Variants in SLC41A3 observed in about 807,000 individuals in gnomAD.
SLC41A3 encodes the protein solute carrier family 41 member 3, also known as SLC41A1-like 2.
A neutral mutation model predicts 45.4 loss-of-function variants in SLC41A3; 44 were observed. The observed-to-expected ratio is 0.97, with a 90% CI of 0.76 to 1.25. SLC41A3 has a LOEUF of 1.25. Among genes scored for constraint, SLC41A3 ranks in the 50% most tolerant of loss-of-function variants. The pLI is 0.00. For missense variants in SLC41A3, 550 were observed against 600.6 expected (o/e 0.92, Z 0.88); for synonymous variants, 256 against 252.4 (o/e 1.01, Z -0.13).
intron 2 of SLC41A3, chr3:126,056,386 G>T: frequency 6.2e-7 from 1 of 1,614,106 alleles, no homozygotes; most frequent in Non-Finnish European, 8.5e-7. Context: ...CAGGCCGGCT[G>T]TCATCATGCA....
intron 2 of SLC41A3, among the ~76,000 whole-genome samples, chr3:126,059,601 C>A (rs1943948341): frequency 6.6e-6 from 1 of 152,280 alleles, no homozygotes; most frequent in South Asian, 2.1e-4. Context: ...GATCACACAG[C>A]AAGTTAGTGT....
At chr3:126,078,200 C>G (rs1046494928) in intron 1 of SLC41A3, among the ~76,000 whole-genome samples, 1 of 152,214 alleles carries the variant, frequency 6.6e-6, no homozygotes, top group African/African-American at 2.4e-5. Flanking sequence ...CCCTTAGGTC[C>G]TAACAGCAGA....
At chr3:126,091,698 TGGAAAG>T (rs1945491444) in intron 1 of SLC41A3, among the ~76,000 whole-genome samples, 1 of 152,126 alleles carries the variant, frequency 6.6e-6, no homozygotes, top group South Asian at 2.1e-4. Context: ...GAAAAAGACA[TGGAAAG>T]GGAAGGGGAT....
chr3:126,071,058 A>G (rs1340809021), intron 1 of SLC41A3, among the ~76,000 whole-genome samples: 1 of 152,260 alleles, frequency 6.6e-6, no homozygotes, highest in African/African-American at 2.4e-5. Context: ...AGATCTACTT[A>G]GTACAAAACA....
At chr3:126,098,925 C>CTTTTTTTTTTTTTTTT (rs57262035) in intron 1 of SLC41A3, among the ~76,000 whole-genome samples, 73 of 109,636 alleles carry the variant, frequency 6.7e-4, no homozygotes, top group African/African-American at 1.7e-3. Flanking sequence ...CATGACCTGG[C>CTTTTTTTTTTTTTTTT]TTTTTTTTTT....
intron 6 of SLC41A3, among the ~76,000 whole-genome samples, chr3:126,021,194 T>A (rs1194747250): frequency 1.3e-5 from 2 of 151,982 alleles, no homozygotes; most frequent in Admixed American, 1.3e-4. Flanking sequence ...GCGCCTGGCC[T>A]GTTTAGAGTT....
Position 126,006,458 on chromosome 3 carries a change from G to A in SLC41A3, c.*558C>T. ...AAAAAGGAAAATAAAAAGACAGCAA[G>A]GACACGATTAAATGTTGAGTGCAGA... On this transcript the variant is annotated 3_prime_UTR_variant, in exon 11 of 11. Transcript: ENST00000360370. 1.2e-6 allele frequency: 2 copies of A among 1,613,798 alleles called. No individual in the cohort carries two copies. The highest frequency in any genetic ancestry group is 1.1e-5 in the South Asian group (1 of 90,912).
intron 10 of SLC41A3, 94 bp downstream of exon 10, chr3:126,008,638 C>T: frequency 6.4e-7 from 1 of 1,561,700 alleles, no homozygotes; most frequent in Admixed American, 1.7e-5. Context: ...CAGCCACCCC[C>T]ACCCGCCTCC....
intron 9 of SLC41A3, among the ~76,000 whole-genome samples, chr3:126,010,530 C>T (rs1005520379): frequency 6.6e-6 from 1 of 152,196 alleles, no homozygotes; most frequent in Admixed American, 6.5e-5. Flanking sequence ...AAAGGGGAAG[C>T]CCGGCAAAAC....
intron 2 of SLC41A3, among the ~76,000 whole-genome samples, chr3:126,051,335 G>A (rs1255963719): frequency 6.6e-6 from 1 of 152,218 alleles, no homozygotes; most frequent in Non-Finnish European, 1.5e-5. Context: ...TGCACCATGG[G>A]TTCTCTAGAG....
chr3:126,006,706 C>T lies in SLC41A3; in HGVS notation c.*310G>A. 6.9e-7 allele frequency: 1 copy of T among 1,456,712 alleles called. No individual in the cohort carries two copies. The highest frequency in any genetic ancestry group is 9.0e-7 in the Non-Finnish European group (1 of 1,107,038). The allele number at this position is 1,456,712 out of a possible 1,614,324, so 90.2% of individuals were successfully genotyped here. On this transcript the variant is annotated 3_prime_UTR_variant, in exon 11 of 11. Coordinates refer to ENST00000360370, the MANE Select transcript of SLC41A3 (RefSeq NM_017836.4). Reference sequence around the variant, plus strand: ...ACCCTGCAAAGCATACTGGACATGCCTCTTCTTTACCTTCTCAGGCCAGAA... The same window carrying T: ...ACCCTGCAAAGCATACTGGACATGCTTCTTCTTTACCTTCTCAGGCCAGAA...
At chr3:126,068,362 A>G in intron 1 of SLC41A3, 116 bp from the exon 2 acceptor site, 1 of 931,048 alleles carries the variant, frequency 1.1e-6, no homozygotes, top group Admixed American at 3.2e-5. Flanking sequence ...TCCAACCCAC[A>G]GCCCTTACTC....
intron 2 of SLC41A3, among the ~76,000 whole-genome samples, chr3:126,052,202 C>T (rs1192384115): frequency 6.6e-6 from 1 of 152,186 alleles, no homozygotes; most frequent in Non-Finnish European, 1.5e-5. Flanking sequence ...GCAGGGTGTC[C>T]TCCCACACCT....
chr3:126,054,404 T>C (rs1943529263), intron 2 of SLC41A3, among the ~76,000 whole-genome samples: 1 of 152,106 alleles, frequency 6.6e-6, no homozygotes, highest in Admixed American at 6.5e-5. Flanking sequence ...GTGTCTATGC[T>C]ACCCTTCAAT....
chr3:126,099,298 G>C lies in SLC41A3; in HGVS notation c.-79+2131C>G, dbSNP rs1265580614. On this transcript the variant is annotated intron_variant, in intron 1 of 9. Transcript: ENST00000508835. ...CCCACCATCTACCTGGTGAAGCATGGATTATCTTATTTTAAAATTTCTATT... is the reference window on the plus strand; with the variant it reads ...CCCACCATCTACCTGGTGAAGCATGCATTATCTTATTTTAAAATTTCTATT... Among the ~76,000 whole-genome samples, 3 of 152,214 alleles carry C rather than the reference G, an allele frequency of 2.0e-5. No homozygotes were observed. The East Asian group carries it at 5.8e-4, about 29-fold the overall frequency.
intron 9 of SLC41A3, among the ~76,000 whole-genome samples, chr3:126,009,337 C>T (rs1022717200): frequency 6.6e-6 from 1 of 152,116 alleles, no homozygotes; most frequent in Non-Finnish European, 1.5e-5. Flanking sequence ...CTCAGTGCAG[C>T]GCTGGTGATC....
intron 2 of SLC41A3, among the ~76,000 whole-genome samples, chr3:126,059,624 G>A (rs926558262): frequency 1.2e-4 from 18 of 152,268 alleles, no homozygotes; most frequent in South Asian, 2.1e-4. Flanking sequence ...AAGGCAGGCC[G>A]AGACCCTCAG....
At position 126,022,902 on chromosome 3, in the gene SLC41A3, G is replaced by T; in HGVS notation, c.629C>A (p.Ala210Asp). ...GVLMVCIVIG[A>D]RKLGVNPDNI... is the part of the protein sequence containing the mutation. Reference sequence around the variant, plus strand: ...GTCTGGGTTGACCCCGAGCTTTCGAGCACCAATCACTATACAGACCATCAG... The same window carrying T: ...GTCTGGGTTGACCCCGAGCTTTCGATCACCAATCACTATACAGACCATCAG... Residue 210 changes from alanine (A) to aspartate (D), a missense_variant, in exon 6 of 11, where the codon GCT becomes GAT. Physicochemically the swap from Ala to Asp is moderately radical, Grantham distance 126. Coordinates refer to ENST00000360370, the MANE Select transcript of SLC41A3 (RefSeq NM_017836.4). The T allele has an allele frequency of 6.2e-7, 1 of 1,614,182 alleles. No homozygotes were observed. The highest frequency in any genetic ancestry group is 8.5e-7 in the Non-Finnish European group (1 of 1,180,042).
chr3:126,074,522 T>C (rs1197315876), intron 1 of SLC41A3, among the ~76,000 whole-genome samples: 2 of 152,126 alleles, frequency 1.3e-5, no homozygotes, highest in African/African-American at 2.4e-5. Context: ...GACGACATAA[T>C]CTTATACGTA....
Sources: gnomAD v4.1 joint callset for allele counts (sites outside exome capture counted in the v4.1 genomes callset) on GRCh38, gnomAD v4.1.1 for gene constraint, MANE v1.5 for transcripts, NCBI Gene and HGNC (gene_info 2026-07-23, HGNC 2026-07-21) for gene names.